The following EHF variants were observed in gnomAD, a reference collection of about 807,000 sequenced individuals.
EHF encodes ESE3 transcription factor.
Under a neutral mutation model 45.1 loss-of-function variants are expected in EHF, and 14 were observed. That is an observed-to-expected ratio of 0.31 (90% CI 0.21 to 0.49). EHF has a LOEUF of 0.49. Among genes scored for constraint, EHF ranks in the 20% least tolerant of loss-of-function variants. EHF has a pLI of 0.99. For synonymous variants in EHF, 136 were observed against 131.8 expected (o/e 1.03, Z -0.22); for missense variants, 282 against 371.4 (o/e 0.76, Z 1.98).
intron 3 of EHF, among the ~76,000 whole-genome samples, chr11:34,648,753 A>T (rs138721240): frequency 1.4e-4 from 21 of 152,248 alleles, no homozygotes; most frequent in Middle Eastern, 6.8e-3. Context: ...CTGAAGTTCT[A>T]TTTCCACCAT....
chr11:34,658,990 C>A lies in EHF; in HGVS notation c.*59C>A. On this transcript the variant is annotated 3_prime_UTR_variant, in exon 9 of 9. Transcript: ENST00000257831. ...ACACCAAATAATCAGAAACAAAGAA[C>A]TCCTGGACGTAAATATTTCAAAGAC... 1 of 1,313,036 alleles carries A rather than the reference C, an allele frequency of 7.6e-7. No individual in the cohort carries two copies. Among genetic ancestry groups the A allele is most frequent in the Non-Finnish European group, 1.1e-6 (1 of 939,568 alleles). 81.3% of individuals were successfully genotyped at this position (1,313,036 alleles called of 1,614,324 possible). A position where few individuals can be genotyped will look rare whatever the true frequency, so the allele number is the denominator to read the frequency against.
At chr11:34,632,323 A>G in intron 1 of EHF, 1 of 568,248 alleles carries the variant, frequency 1.8e-6, no homozygotes, top group Non-Finnish European at 2.9e-6. Flanking sequence ...TCTGGGAGGT[A>G]TTCAGAAGAT....
chr11:34,624,179 C>G (rs912127599), intron 1 of EHF: 7 of 603,274 alleles, frequency 1.2e-5, no homozygotes, highest in African/African-American at 2.0e-5. Flanking sequence ...GTAGAGTTGA[C>G]GTGACACTCA....
chr11:34,651,411 T>A (rs1855150712), intron 4 of EHF, 131 bp from the exon 5 acceptor site: 3 of 710,640 alleles, frequency 4.2e-6, no homozygotes, highest in Non-Finnish European at 7.3e-6. Context: ...TGAAGCAGAA[T>A]CATATCCCTT....
intron 1 of EHF, among the ~76,000 whole-genome samples, chr11:34,639,575 C>T (rs1465050499): frequency 1.3e-5 from 2 of 152,256 alleles, no homozygotes; most frequent in Non-Finnish European, 2.9e-5. Context: ...GCTACACTGG[C>T]CCTGGGCCTC....
At chr11:34,625,880 TG>T (rs1159526337) in intron 1 of EHF, among the ~76,000 whole-genome samples, 1 of 152,228 alleles carries the variant, frequency 6.6e-6, no homozygotes, top group Non-Finnish European at 1.5e-5. Flanking sequence ...TTGTTTGTTT[TG>T]TTTTTTTAGC....
chr11:34,651,269 A>G (rs1024208955), intron 4 of EHF, among the ~76,000 whole-genome samples: 2 of 152,230 alleles, frequency 1.3e-5, no homozygotes, highest in South Asian at 4.1e-4. Flanking sequence ...CACTTGGTCT[A>G]GGACAGGTTC....
intron 4 of EHF, among the ~76,000 whole-genome samples, chr11:34,649,733 T>C (rs1355487608): frequency 6.6e-6 from 1 of 152,184 alleles, no homozygotes; most frequent in Non-Finnish European, 1.5e-5. Context: ...CCAAAGTCCA[T>C]GAGCCATCAT....
At chr11:34,652,569 C>T (rs907346210) in intron 6 of EHF, among the ~76,000 whole-genome samples, 5 of 152,086 alleles carry the variant, frequency 3.3e-5, no homozygotes, top group African/African-American at 1.2e-4. Flanking sequence ...TATGGTTTCC[C>T]GTGATCTGAG....
chr11:34,622,666 A>T (rs1408871186), intron 1 of EHF, among the ~76,000 whole-genome samples: 1 of 151,998 alleles, frequency 6.6e-6, no homozygotes, highest in Admixed American at 6.6e-5. Flanking sequence ...GTGACCTAAA[A>T]TTCTGGGATG....
At chr11:34,645,047 G>T (rs1038432362) in intron 2 of EHF, among the ~76,000 whole-genome samples, 18 of 152,202 alleles carry the variant, frequency 1.2e-4, no homozygotes, top group African/African-American at 4.1e-4. Flanking sequence ...CTTCAGCTTG[G>T]TGGGATGCAA....
At chr11:34,644,266 A>G (rs1854301656) in intron 2 of EHF, among the ~76,000 whole-genome samples, 1 of 152,232 alleles carries the variant, frequency 6.6e-6, no homozygotes, top group African/African-American at 2.4e-5. Flanking sequence ...TAGCAACACA[A>G]TTATTTTAGA....
rs1855948132 is a variant in EHF at position 34,659,433 on chromosome 11, GC to G, written c.*504del. ...GATGGTTAGGACAAAGTGGATGGAT[GC>G]CGGGAAGTTTAACCTGAGCCTTAGG... On this transcript the variant is annotated 3_prime_UTR_variant, in exon 9 of 9. Coordinates refer to ENST00000257831, the MANE Select transcript of EHF (RefSeq NM_012153.6). 6.5e-6 allele frequency: 1 copy of G among 153,422 alleles called. No individual in the cohort carries two copies. Among genetic ancestry groups the G allele is most frequent in the Non-Finnish European group, 1.5e-5 (1 of 68,744 alleles). 9.5% of individuals were successfully genotyped at this position (153,422 alleles called of 1,614,324 possible).
In EHF at chr11:34,660,104, C is replaced by A. The variant is rs939557199; in HGVS notation, c.*1173C>A. ...GAGTGAAGCAAAAGCAAGACTTCAA[C>A]CTCAACCTATCTTTATGTTTTAAAT... On this transcript the variant is annotated 3_prime_UTR_variant, in exon 9 of 9. Coordinates refer to ENST00000257831, the MANE Select transcript of EHF (RefSeq NM_012153.6). The A allele has an allele frequency of 6.6e-6, 1 of 152,094 alleles. No individual in the cohort carries two copies. Among genetic ancestry groups the A allele is most frequent in the African/African-American group, 2.4e-5 (1 of 41,428 alleles). 9.4% of individuals were successfully genotyped at this position (152,094 alleles called of 1,614,324 possible). A position where few individuals can be genotyped will look rare whatever the true frequency, so the allele number is the denominator to read the frequency against.
rs1486992631 is a variant in EHF, at chr11:34,660,534, GCTT to G, written c.*1611_*1613del. 2 of 152,128 alleles carry G rather than the reference GCTT, an allele frequency of 1.3e-5. No homozygotes were observed. The highest frequency in any genetic ancestry group is 2.9e-5 in the Non-Finnish European group (2 of 68,008). 9.4% of individuals were successfully genotyped at this position (152,128 alleles called of 1,614,324 possible). A position where few individuals can be genotyped will look rare whatever the true frequency, so the allele number is the denominator to read the frequency against. On this transcript the variant is annotated 3_prime_UTR_variant, in exon 9 of 9. Transcript: ENST00000257831. ...CACAATTGTCACCAAGGAGTTAAAAGCTTCTTCTTCAATAGAGGAATTGTTCTG... is the reference window on the plus strand; with the variant it reads ...CACAATTGTCACCAAGGAGTTAAAAGCTTCTTCAATAGAGGAATTGTTCTG...
intron 7 of EHF, among the ~76,000 whole-genome samples, chr11:34,657,494 A>T (rs1009106007): frequency 1.2e-4 from 18 of 152,156 alleles, no homozygotes; most frequent in Non-Finnish European, 2.1e-4. Flanking sequence ...TTGTGGGTGG[A>T]ACACAGAAAG....
intron 1 of EHF, among the ~76,000 whole-genome samples, chr11:34,629,681 T>G (rs914067438): frequency 1.3e-5 from 2 of 152,180 alleles, no homozygotes; most frequent in African/African-American, 4.8e-5. Flanking sequence ...AGACTTTTCC[T>G]CGATTTCTTT....
rs1388392528 is a variant in EHF at position 34,659,179 on chromosome 11, G to C, written c.*248G>C. On this transcript the variant is annotated 3_prime_UTR_variant, in exon 9 of 9. Coordinates refer to ENST00000257831, the MANE Select transcript of EHF (RefSeq NM_012153.6). Reference sequence around the variant, plus strand: ...TTCTGTGAAATATGATGCTGTATGTGGTTGTGATTTTTTTTCACCTCTATT... The same window carrying C: ...TTCTGTGAAATATGATGCTGTATGTCGTTGTGATTTTTTTTCACCTCTATT... 6 of 343,116 alleles carry C rather than the reference G, an allele frequency of 1.7e-5. No homozygotes were observed. The highest frequency in any genetic ancestry group is 3.2e-5 in the Non-Finnish European group (6 of 190,470). The allele number at this position is 343,116 out of a possible 1,614,324, so 21.3% of individuals were successfully genotyped here.
intron 3 of EHF, 119 bp downstream of exon 3, chr11:34,646,803 T>C: frequency 3.8e-6 from 5 of 1,303,746 alleles, no homozygotes; most frequent in Non-Finnish European, 5.4e-6. Flanking sequence ...ACCTCCAAAT[T>C]ACCATGTCCC....
Sources: allele counts gnomAD v4.1 joint callset (sites outside exome capture counted in the v4.1 genomes callset), GRCh38; gene constraint gnomAD v4.1.1; transcripts MANE v1.5; gene names NCBI Gene and HGNC (gene_info 2026-07-23, HGNC 2026-07-21).